LRRC28: variants seen among roughly 807,000 people sequenced by gnomAD.
LRRC28 encodes leucine rich repeat containing 28.
A neutral mutation model predicts 45.7 loss-of-function variants in LRRC28; 39 were observed. The ratio of observed to expected loss-of-function variants is 0.85; its 90% CI spans 0.66 to 1.12. LRRC28 has a LOEUF of 1.12. LRRC28 is among the 50% of genes most tolerant of loss of function. The pLI is 0.00. For missense variants in LRRC28, 435 were observed against 438.5 expected (o/e 0.99, Z 0.07); for synonymous variants, 206 against 178.8 (o/e 1.15, Z -1.22).
chr15:99,335,124 C>G (rs1956281341), intron 6 of LRRC28, among the ~76,000 whole-genome samples: 1 of 152,022 alleles, frequency 6.6e-6, no homozygotes, highest in Non-Finnish European at 1.5e-5. Context: ...TCTAAGAAAT[C>G]AGAGCTTCTT....
At chr15:99,297,295 C>G (rs989652040) in intron 5 of LRRC28, 2 of 152,238 alleles carry the variant, frequency 1.3e-5, no homozygotes, top group South Asian at 2.1e-4. Flanking sequence ...CTCTGTCACC[C>G]AGGCTGGAGT....
At chr15:99,348,411 T>A (rs1469235375) in intron 6 of LRRC28, among the ~76,000 whole-genome samples, 2 of 152,310 alleles carry the variant, frequency 1.3e-5, no homozygotes, top group East Asian at 3.9e-4. Flanking sequence ...TCAGGTCCTA[T>A]ATTTAGGTTT....
chr15:99,311,370 C>A (rs1955404484), intron 5 of LRRC28, among the ~76,000 whole-genome samples: 1 of 152,178 alleles, frequency 6.6e-6, no homozygotes, highest in Non-Finnish European at 1.5e-5. Flanking sequence ...CGTTCTCATT[C>A]ATTTCAAATA....
chr15:99,274,095 A>C (rs1047478431), intron 2 of LRRC28, among the ~76,000 whole-genome samples: 14 of 152,364 alleles, frequency 9.2e-5, no homozygotes, highest in Admixed American at 2.6e-4. Flanking sequence ...ATATATCAGT[A>C]TAGAAATATG....
chr15:99,377,447 T>G (rs1470725246), intron 9 of LRRC28, among the ~76,000 whole-genome samples: 2 of 152,248 alleles, frequency 1.3e-5, no homozygotes, highest in African/African-American at 4.8e-5. Flanking sequence ...TGTTAGCCCT[T>G]TGCCAGATGA....
chr15:99,343,040 CTG>C (rs1956568096), intron 6 of LRRC28, among the ~76,000 whole-genome samples: 1 of 152,152 alleles, frequency 6.6e-6, no homozygotes, highest in African/African-American at 2.4e-5. Context: ...TTGGAATACA[CTG>C]TAAATTATTC....
Position 99,361,463 on chromosome 15 carries a change from G to C in LRRC28, c.823G>C (p.Glu275Gln), listed in dbSNP as rs1296112014. The change falls in exon 8 of 10, where the codon GAA becomes CAA. Residue 275 changes from glutamate (E) to glutamine (Q), a missense_variant. Coordinates refer to ENST00000301981, the MANE Select transcript of LRRC28 (RefSeq NM_144598.5). ...TEHDHVLPLQ[E>Q]LAMRGLYHTY... is the part of the protein sequence containing the mutation. Reference sequence around the variant, plus strand: ...GCATGATCACGTCCTCCCTCTGCAGGAATTGGCTATGAGAGGGCTGTATCA... The same window carrying C: ...GCATGATCACGTCCTCCCTCTGCAGCAATTGGCTATGAGAGGGCTGTATCA... 6.2e-7 allele frequency: 1 copy of C among 1,613,760 alleles called. No individual in the cohort carries two copies. Among genetic ancestry groups the C allele is most frequent in the South Asian group, 1.1e-5 (1 of 91,038 alleles).
intron 8 of LRRC28, 51 bp downstream of exon 8, chr15:99,361,562 T>C: frequency 6.7e-7 from 1 of 1,503,738 alleles, no homozygotes; most frequent in South Asian, 1.3e-5. Flanking sequence ...TAGTGAACAT[T>C]GTGCTTGGTG....
intron 5 of LRRC28, among the ~76,000 whole-genome samples, chr15:99,299,643 T>C (rs2082347856): frequency 6.6e-6 from 1 of 152,202 alleles, no homozygotes; most frequent in African/African-American, 2.4e-5. Flanking sequence ...TTTTAATGAG[T>C]GAAAAGCTTT....
chr15:99,380,417 G>A (rs1168904097), intron 9 of LRRC28, among the ~76,000 whole-genome samples: 2 of 151,832 alleles, frequency 1.3e-5, no homozygotes, highest in Non-Finnish European at 2.9e-5. Context: ...CCTTTATTTT[G>A]AGCCTGTGTG....
chr15:99,265,223 C>T (rs2081301200), intron 2 of LRRC28, among the ~76,000 whole-genome samples: 1 of 152,160 alleles, frequency 6.6e-6, no homozygotes, highest in Non-Finnish European at 1.5e-5. Context: ...AGAAGGTAGA[C>T]TGTGGCATTC....
At chr15:99,308,275 G>T (rs1490768247) in intron 5 of LRRC28, among the ~76,000 whole-genome samples, 1 of 152,042 alleles carries the variant, frequency 6.6e-6, no homozygotes, top group Non-Finnish European at 1.5e-5. Flanking sequence ...TAGGTCTTCT[G>T]ATTCTCAGTA....
intron 9 of LRRC28, 153 bp downstream of exon 9, chr15:99,363,418 T>C (rs1597437087): frequency 1.3e-6 from 1 of 753,814 alleles, no homozygotes; most frequent in East Asian, 2.8e-5. Context: ...ATGCTCACTT[T>C]CAACATCACA....
chr15:99,367,963 C>T (rs1957385126), intron 9 of LRRC28, among the ~76,000 whole-genome samples: 1 of 152,128 alleles, frequency 6.6e-6, no homozygotes, highest in Non-Finnish European at 1.5e-5. Context: ...CATCCTGAAG[C>T]TACCCAGGGA....
intron 5 of LRRC28, among the ~76,000 whole-genome samples, chr15:99,322,442 A>G (rs576973976): frequency 2.1e-4 from 32 of 152,186 alleles, no homozygotes; most frequent in African/African-American, 7.7e-4. Context: ...TAACAGATTC[A>G]GTATGGATTT....
chr15:99,370,542 T>C (rs1024517134), intron 9 of LRRC28, among the ~76,000 whole-genome samples: 2 of 152,074 alleles, frequency 1.3e-5, no homozygotes, highest in African/African-American at 4.8e-5. Flanking sequence ...CATTTTCAAC[T>C]CCATATACTT....
At chr15:99,317,021 GT>G (rs1302939918) in intron 5 of LRRC28, among the ~76,000 whole-genome samples, 2 of 151,256 alleles carry the variant, frequency 1.3e-5, no homozygotes, top group African/African-American at 4.9e-5. Context: ...TTTTGGAGAG[GT>G]GGGGAAGGTT....
intron 2 of LRRC28, among the ~76,000 whole-genome samples, chr15:99,257,144 C>CT: frequency 6.6e-6 from 1 of 152,134 alleles, no homozygotes. Flanking sequence ...ATTAGTTTAT[C>CT]TTTGCTCTGT....
At chr15:99,375,304 CACTCCTGGAATA>C (rs752224513) in intron 9 of LRRC28, among the ~76,000 whole-genome samples, 25 of 152,176 alleles carry the variant, frequency 1.6e-4, no homozygotes, top group Non-Finnish European at 3.4e-4. Flanking sequence ...ACTAGCCTCA[CACTCCTGGAATA>C]ACTCCCACTT....
Sources: allele counts gnomAD v4.1 joint callset (sites outside exome capture counted in the v4.1 genomes callset), GRCh38; gene constraint gnomAD v4.1.1; transcripts MANE v1.5; gene names NCBI Gene and HGNC (gene_info 2026-07-23, HGNC 2026-07-21).